Variants in WDR44 observed in about 807,000 individuals in gnomAD.
The protein encoded by WDR44 is WD repeat domain 44.
A neutral mutation model predicts 65.7 loss-of-function variants in WDR44; 9 were observed. That is an observed-to-expected ratio of 0.14 (90% CI 0.08 to 0.24). WDR44 has a LOEUF of 0.24. WDR44 is among the 10% of genes least tolerant of loss of function. The pLI is 1.00. For synonymous variants in WDR44, 220 were observed against 235.2 expected, an observed-to-expected ratio of 0.94 and a Z score of 0.59; for missense variants, 425 against 670.9, an observed-to-expected ratio of 0.63 and a Z score of 4.05.
chrX:118,446,776 G>T (rs5957004), intron 19 of WDR44, among the ~76,000 whole-genome samples: 29,611 of 110,983 alleles, frequency 0.27, 3,184 homozygotes, highest in African/African-American at 0.39. Context: ...TTTAACTGCT[G>T]TCTGTTTTCT....
rs747700108 is a variant in WDR44 at position 118,392,797 on chromosome X, C to T, written c.352C>T (p.Pro118Ser). ...PGLLAIDQVLPEESQKAESQN... is the reference protein window; with the variant it reads ...PGLLAIDQVLSEESQKAESQN... ...ACTGTTAGCCATAGATCAAGTACTA[C>T]CGGAAGAATCCCAAAAGGCAGAGAG... is the stretch of plus-strand genomic sequence containing the variant. The change falls in exon 4 of 20, where the codon CCG (proline) becomes TCG (serine). Residue 118 changes from proline to serine, a missense_variant. Physicochemically the swap from Pro to Ser is moderately conservative, Grantham distance 74. Transcript: ENST00000254029. 3.3e-6 allele frequency: 4 copies of T among 1,209,897 alleles called. No individual in the cohort carries two copies. Among genetic ancestry groups the T allele is most frequent in the African/African-American group, 3.5e-5 (2 of 57,110 alleles).
intron 16 of WDR44, 63 bp from the exon 17 acceptor site, chrX:118,442,502 G>A (rs1223197784): frequency 9.5e-7 from 1 of 1,051,494 alleles, no homozygotes; most frequent in Non-Finnish European, 1.3e-6. Flanking sequence ...CACCCTTTTT[G>A]GGTTGTAGCT....
intron 11 of WDR44, among the ~76,000 whole-genome samples, chrX:118,410,655 C>T (rs1485364356): frequency 2.7e-5 from 3 of 111,616 alleles, no homozygotes; most frequent in African/African-American, 9.8e-5. Flanking sequence ...GAGGATTTAA[C>T]GGTATTTTGT....
chrX:118,446,301 G>T (rs2057345869), intron 19 of WDR44, among the ~76,000 whole-genome samples: 1 of 110,034 alleles, frequency 9.1e-6, no homozygotes, highest in Admixed American at 9.8e-5. Context: ...TATATATATG[G>T]CAGGCGTTGT....
At chrX:118,401,900 C>G (rs1422291904) in intron 8 of WDR44, among the ~76,000 whole-genome samples, 1 of 110,618 alleles carries the variant, frequency 9.0e-6, no homozygotes, top group Non-Finnish European at 1.9e-5. Context: ...GCTAGCCAAT[C>G]CAGAAATCAG....
At chrX:118,414,295 T>TG (rs1167805152) in intron 12 of WDR44, among the ~76,000 whole-genome samples, 1 of 101,629 alleles carries the variant, frequency 9.8e-6, no homozygotes, top group Non-Finnish European at 2.0e-5. Flanking sequence ...TGGTTTTGTG[T>TG]TTTTTTTTTT....
At chrX:118,413,558 G>A (rs1029757563) in intron 12 of WDR44, among the ~76,000 whole-genome samples, 1 of 111,612 alleles carries the variant, frequency 9.0e-6, no homozygotes, top group African/African-American at 3.3e-5. Context: ...ATTTGTTTGA[G>A]TTTGTTGTTC....
chrX:118,426,544 A>G (rs986914709), intron 12 of WDR44, among the ~76,000 whole-genome samples: 3 of 110,053 alleles, frequency 2.7e-5, no homozygotes, highest in Non-Finnish European at 3.8e-5. Context: ...TCTACAAACA[A>G]ACACAACAAA....
intron 8 of WDR44, among the ~76,000 whole-genome samples, chrX:118,402,437 A>G (rs1398054422): frequency 2.6e-5 from 2 of 77,277 alleles, no homozygotes; most frequent in Non-Finnish European, 4.4e-5. Flanking sequence ...CTCTGTCTCA[A>G]AAAAAAAAAA....
rs753016054 is a variant in WDR44, at chrX:118,396,271, G to A, written c.1054-699G>A. ...GCAATTCCTCAAAATGTGAAACATA[G>A]TGTTACCATGACCCAGCAATTCCGT... On this transcript the variant is annotated intron_variant, in intron 6 of 19. Transcript: ENST00000254029. Among the ~76,000 whole-genome samples the A allele has an allele frequency of 1.3e-4, 14 of 111,245 alleles. No individual in the cohort carries two copies. In the South Asian group the frequency reaches 1.5e-3, roughly 12 times the overall value.
chrX:118,356,253 A>G (rs892618021), intron 1 of WDR44, among the ~76,000 whole-genome samples: 9 of 111,842 alleles, frequency 8.0e-5, no homozygotes, highest in Non-Finnish European at 1.1e-4. Flanking sequence ...TTGCTTCTGA[A>G]AAAGCTGGAA....
intron 1 of WDR44, among the ~76,000 whole-genome samples, chrX:118,368,122 G>T (rs996076861): frequency 9.0e-6 from 1 of 111,338 alleles, no homozygotes; most frequent in African/African-American, 3.3e-5. Flanking sequence ...ATCTAAGAAG[G>T]TTACTAAAAT....
chrX:118,409,034 G>C (rs2056990517), intron 10 of WDR44, among the ~76,000 whole-genome samples: 1 of 111,951 alleles, frequency 8.9e-6, no homozygotes, highest in Admixed American at 9.5e-5. Context: ...TTGAACTTTT[G>C]GACTTAAGTA....
chrX:118,441,318 T>G (rs374014037), intron 14 of WDR44, 50 bp from the exon 15 acceptor site: 82 of 1,096,771 alleles, frequency 7.5e-5, no homozygotes, highest in Non-Finnish European at 1.0e-4. Flanking sequence ...GCTAATGAGT[T>G]TTTTCTTGAT....
chrX:118,424,075 C>T (rs1357810603), intron 12 of WDR44, among the ~76,000 whole-genome samples: 2 of 109,047 alleles, frequency 1.8e-5, no homozygotes, highest in African/African-American at 3.4e-5. Context: ...GTTCAGATAC[C>T]TCTCTGACAT....
At chrX:118,356,563 G>A (rs1327986603) in intron 1 of WDR44, among the ~76,000 whole-genome samples, 1 of 109,586 alleles carries the variant, frequency 9.1e-6, no homozygotes, top group Non-Finnish European at 1.9e-5. Flanking sequence ...TTTTGTAGCA[G>A]TCACAGAGAG....
intron 8 of WDR44, among the ~76,000 whole-genome samples, chrX:118,400,462 T>C (rs1481025346): frequency 8.9e-6 from 1 of 112,055 alleles, no homozygotes; most frequent in African/African-American, 3.2e-5. Flanking sequence ...TCTGAAATAA[T>C]TAAAATGTCT....
At chrX:118,396,082 T>C (rs867393239) in intron 6 of WDR44, among the ~76,000 whole-genome samples, 21 of 111,801 alleles carry the variant, frequency 1.9e-4, no homozygotes, top group Middle Eastern at 9.3e-3. Context: ...ATATATGTTA[T>C]ACCAAAATAA....
intron 1 of WDR44, among the ~76,000 whole-genome samples, chrX:118,350,166 A>G (rs2056392401): frequency 8.9e-6 from 1 of 112,072 alleles, no homozygotes; most frequent in African/African-American, 3.2e-5. Context: ...GTTTTGTCAG[A>G]TAGGAATTTT....
Sources: allele counts gnomAD v4.1 joint callset (sites outside exome capture counted in the v4.1 genomes callset), GRCh38; gene constraint gnomAD v4.1.1; transcripts MANE v1.5; gene names NCBI Gene and HGNC (gene_info 2026-07-23, HGNC 2026-07-21).